The following ANKRD55 variants were observed in gnomAD, a reference collection of about 807,000 sequenced individuals.
The protein encoded by ANKRD55 is ankyrin repeat domain 55, also known as ankyrin repeat domain-containing protein 55.
In ANKRD55, 41 loss-of-function variants were observed where a neutral mutation model predicts 60.6. The ratio of observed to expected loss-of-function variants is 0.68; its 90% CI spans 0.53 to 0.88. The LOEUF is 0.88. ANKRD55 is among the 40% of genes least tolerant of loss of function. The probability of loss-of-function intolerance (pLI) is 0.00; values close to 1 mark genes in which losing one functional copy is unlikely to be tolerated. For synonymous variants in ANKRD55, 264 were observed against 290.3 expected, an observed-to-expected ratio of 0.91 and a Z score of 0.92; for missense variants, 732 against 767.6, an observed-to-expected ratio of 0.95 and a Z score of 0.55.
chr5:56,125,127 A>T (rs1363619831), intron 8 of ANKRD55, among the ~76,000 whole-genome samples: 1 of 152,218 alleles, frequency 6.6e-6, no homozygotes, highest in Admixed American at 6.5e-5. Context: ...GTTTTGAAGT[A>T]GATGAACTTT....
chr5:56,106,025 AT>A (rs1332811661), intron 10 of ANKRD55, among the ~76,000 whole-genome samples: 1 of 152,202 alleles, frequency 6.6e-6, no homozygotes, highest in East Asian at 1.9e-4. Context: ...TAAGTGCTTC[AT>A]CCCCCATCTT....
At chr5:56,226,614 C>T (rs1760116236) in intron 2 of ANKRD55, among the ~76,000 whole-genome samples, 1 of 152,168 alleles carries the variant, frequency 6.6e-6, no homozygotes, top group African/African-American at 2.4e-5. Context: ...TATCCATAAT[C>T]TACAAAGAAC....
intron 5 of ANKRD55, among the ~76,000 whole-genome samples, chr5:56,163,422 T>C (rs1758379411): frequency 6.6e-6 from 1 of 151,986 alleles, no homozygotes; most frequent in Non-Finnish European, 1.5e-5. Context: ...AGCTCTCATT[T>C]TGTGTTACCA....
chr5:56,129,280 T>C (rs1440814675), intron 7 of ANKRD55, among the ~76,000 whole-genome samples: 2 of 152,152 alleles, frequency 1.3e-5, no homozygotes, highest in African/African-American at 4.8e-5. Flanking sequence ...TAGGTTTACA[T>C]TGGGTAGAAA....
At position 56,134,157 on chromosome 5, in the gene ANKRD55, T is replaced by C. The variant is rs1472754346; in HGVS notation, c.613-7051A>G. ...GGACATTAAAAGAATGATGAAGAAA[T>C]ACTTTAAACAACTCTATTTTCACAA... is the stretch of plus-strand genomic sequence containing the variant. On this transcript the variant is annotated intron_variant, in intron 7 of 11. Coordinates refer to ENST00000341048, the MANE Select transcript of ANKRD55 (RefSeq NM_024669.3). Among the ~76,000 whole-genome samples, 11 of 114,440 alleles carry C rather than the reference T, an allele frequency of 9.6e-5. 3 individuals are homozygous for C. The highest frequency in any genetic ancestry group is 3.1e-4 in the African/African-American group (11 of 35,324). The allele number at this position is 114,440 out of a possible 152,430, so 75.1% of individuals were successfully genotyped here. A position where few individuals can be genotyped will look rare whatever the true frequency, so the allele number is the denominator to read the frequency against.
At chr5:56,168,435 G>A (rs1452909855) in intron 5 of ANKRD55, among the ~76,000 whole-genome samples, 4 of 152,182 alleles carry the variant, frequency 2.6e-5, no homozygotes, top group Non-Finnish European at 5.9e-5. Flanking sequence ...AGCTGTCCCC[G>A]TATCGCAGCA....
intron 2 of ANKRD55, among the ~76,000 whole-genome samples, chr5:56,226,627 A>T (rs1760116506): frequency 6.6e-6 from 1 of 152,222 alleles, no homozygotes; most frequent in South Asian, 2.1e-4. Context: ...CAAAGAACTT[A>T]AACAAATTTA....
At chr5:56,179,401 G>A (rs901881547) in intron 3 of ANKRD55, among the ~76,000 whole-genome samples, 2 of 152,070 alleles carry the variant, frequency 1.3e-5, no homozygotes, top group Non-Finnish European at 2.9e-5. Flanking sequence ...TCAGAATAGC[G>A]GTTAGTTATT....
At position 56,111,161 on chromosome 5, in the gene ANKRD55, GA is replaced by G; in HGVS notation, c.1586del (p.Val529AlafsTer39). The G allele has an allele frequency of 1.2e-6, 2 of 1,614,208 alleles. No homozygotes were observed. The highest frequency in any genetic ancestry group is 1.7e-6 in the Non-Finnish European group (2 of 1,180,032). On this transcript the variant is annotated frameshift_variant, in exon 10 of 12. Coordinates refer to ENST00000341048, the MANE Select transcript of ANKRD55 (RefSeq NM_024669.3). LOFTEE classifies it high-confidence loss of function. Reference sequence around the variant, plus strand: ...GATGGCGAAGGTGTGGTGGCACGGAGACCTCTTGGTGACCAGGCCGGACACT... The same window carrying G: ...GATGGCGAAGGTGTGGTGGCACGGAGCCTCTTGGTGACCAGGCCGGACACT... ...LLSVRPGHQEVSVPPHLRHLH... is the reference protein window; with the variant it reads ...LLSVRPGHQEXSVPPHLRHLH...
At chr5:56,206,790 T>C (rs189102716) in intron 2 of ANKRD55, among the ~76,000 whole-genome samples, 14 of 152,118 alleles carry the variant, frequency 9.2e-5, no homozygotes, top group African/African-American at 3.4e-4. Context: ...GCAAAGTGGT[T>C]GAAAGGTCCT....
intron 5 of ANKRD55, among the ~76,000 whole-genome samples, chr5:56,166,943 G>A (rs1288023321): frequency 6.6e-6 from 1 of 152,168 alleles, no homozygotes; most frequent in Non-Finnish European, 1.5e-5. Flanking sequence ...AGGGCTTAAT[G>A]TCAAAATATG....
rs940220421 is a variant in ANKRD55, at chr5:56,148,043, C to A, written c.484-4114G>T. On this transcript the variant is annotated intron_variant, in intron 6 of 11. Coordinates refer to ENST00000341048, the MANE Select transcript of ANKRD55 (RefSeq NM_024669.3). ...GATTAAGCTGTGATGCACATAAAGG[C>A]AGATGCTGTGGCATATTCAGCATGG... Among the ~76,000 whole-genome samples, 3 of 152,338 alleles carry A rather than the reference C, an allele frequency of 2.0e-5. No individual in the cohort carries two copies. The South Asian group carries it at 6.2e-4, about 32-fold the overall frequency.
chr5:56,157,818 C>T (rs1013610193), intron 6 of ANKRD55, among the ~76,000 whole-genome samples: 3 of 152,142 alleles, frequency 2.0e-5, no homozygotes, highest in Admixed American at 1.3e-4. Flanking sequence ...AGACCGGAGC[C>T]GGCGCGCGTC....
intron 11 of ANKRD55, among the ~76,000 whole-genome samples, chr5:56,101,535 T>G (rs1756274157): frequency 6.6e-6 from 1 of 152,134 alleles, no homozygotes; most frequent in African/African-American, 2.4e-5. Context: ...GGCTCTACAA[T>G]GGGAATAATA....
At chr5:56,206,095 C>G (rs903850893) in intron 2 of ANKRD55, among the ~76,000 whole-genome samples, 10 of 151,936 alleles carry the variant, frequency 6.6e-5, no homozygotes, top group African/African-American at 2.2e-4. Context: ...CCTACCTCAG[C>G]CTCCCGAGTA....
At chr5:56,112,511 A>AAAAAAAAAACACAAAAAAAAAAAAAC (rs61268045) in intron 9 of ANKRD55, among the ~76,000 whole-genome samples, 1 of 81,528 alleles carries the variant, frequency 1.2e-5, no homozygotes, top group African/African-American at 5.4e-5. Context: ...TAGCAAAAAA[A>AAAAAAAAAACACAAAAAAAAAAAAAC]AAAAAAAAAA....
chr5:56,126,907 G>C lies in ANKRD55; in HGVS notation c.797+15C>G, dbSNP rs1757276443. The C allele has an allele frequency of 1.3e-6, 2 of 1,586,234 alleles. No homozygotes were observed. The highest frequency in any genetic ancestry group is 2.7e-5 in the African/African-American group (2 of 73,886). ...AATGACTAGTTTCCCAGCACTTTCTGGTTACCATGGATACCTGTCATCCAC... is the reference window on the plus strand; with the variant it reads ...AATGACTAGTTTCCCAGCACTTTCTCGTTACCATGGATACCTGTCATCCAC... On this transcript the variant is annotated intron_variant, in intron 8 of 11. Coordinates refer to ENST00000341048, the MANE Select transcript of ANKRD55 (RefSeq NM_024669.3).
chr5:56,141,130 G>GTTTTTTTT (rs33972955), intron 7 of ANKRD55, among the ~76,000 whole-genome samples: 61 of 111,752 alleles, frequency 5.5e-4, no homozygotes, highest in East Asian at 2.4e-3. Flanking sequence ...TGCACACACA[G>GTTTTTTTT]TTTTTTTTTT....
chr5:56,137,411 C>T (rs1215145737), intron 7 of ANKRD55: 1 of 888,854 alleles, frequency 1.1e-6, no homozygotes, highest in African/African-American at 1.6e-5. Flanking sequence ...CTCCCTGCCA[C>T]ACTGAGATGA....
Sources: gnomAD v4.1 joint callset for allele counts (sites outside exome capture counted in the v4.1 genomes callset) on GRCh38, gnomAD v4.1.1 for gene constraint, MANE v1.5 for transcripts, NCBI Gene and HGNC (gene_info 2026-07-23, HGNC 2026-07-21) for gene names.